The following HNRNPC variants were observed in gnomAD, a reference collection of about 807,000 sequenced individuals.
HNRNPC encodes the protein heterogeneous nuclear ribonucleoprotein C.
HNRNPC carries 3 observed loss-of-function variants against 33.2 expected under a neutral mutation model. That is an observed-to-expected ratio of 0.09 (90% CI 0.04 to 0.23). The LOEUF is 0.23. HNRNPC is among the 10% of genes least tolerant of loss of function. The pLI is 1.00. For synonymous variants in HNRNPC, 121 were observed against 126.7 expected (o/e 0.96, Z 0.30); for missense variants, 143 against 366.7 (o/e 0.39, Z 4.98).
At chr14:21,215,029 A>T (rs1892010196) in intron 5 of HNRNPC, among the ~76,000 whole-genome samples, 1 of 152,132 alleles carries the variant, frequency 6.6e-6, no homozygotes. Flanking sequence ...ATTTCTTTTT[A>T]AAACCTACTA....
chr14:21,238,182 T>C (rs188505595), intron 2 of HNRNPC, among the ~76,000 whole-genome samples: 2 of 152,366 alleles, frequency 1.3e-5, no homozygotes, highest in East Asian at 3.9e-4. Flanking sequence ...TCTAAATTAC[T>C]TGGTCATATT....
chr14:21,259,644 T>A (rs1199483118), intron 2 of HNRNPC, among the ~76,000 whole-genome samples: 1 of 152,124 alleles, frequency 6.6e-6, no homozygotes, highest in Non-Finnish European at 1.5e-5. Context: ...CCTTATCACA[T>A]CCATCCTGAG....
At position 21,210,386 on chromosome 14, in the gene HNRNPC, C is replaced by T. The variant is rs539287142; in HGVS notation, c.*837G>A. On this transcript the variant is annotated 3_prime_UTR_variant, in exon 9 of 9. Coordinates refer to ENST00000553300, the MANE Select transcript of HNRNPC (RefSeq NM_004500.4). ...CAAGTTGACTCCTCAATGCAACATG[C>T]ATCTCAATGAAATATAATTTGAGTA... is the stretch of plus-strand genomic sequence containing the variant. The T allele has an allele frequency of 6.6e-6, 1 of 152,464 alleles. No homozygotes were observed. Among genetic ancestry groups the T allele is most frequent in the East Asian group, 1.9e-4 (1 of 5,184 alleles). The allele number at this position is 152,464 out of a possible 1,614,324, so 9.4% of individuals were successfully genotyped here. A position where few individuals can be genotyped will look rare whatever the true frequency, so the allele number is the denominator to read the frequency against.
At chr14:21,237,128 G>A (rs1006927861) in intron 2 of HNRNPC, among the ~76,000 whole-genome samples, 1 of 152,188 alleles carries the variant, frequency 6.6e-6, no homozygotes, top group Non-Finnish European at 1.5e-5. Context: ...GTGTGAAGGT[G>A]CAAGAGCAGT....
At chr14:21,234,269 A>G (rs1894422382) in intron 2 of HNRNPC, 40 bp from the exon 3 acceptor site, 3 of 1,516,196 alleles carry the variant, frequency 2.0e-6, no homozygotes, top group African/African-American at 2.8e-5. Flanking sequence ...ACAGATGCTA[A>G]AAACAATATT....
intron 5 of HNRNPC, among the ~76,000 whole-genome samples, chr14:21,225,583 C>A (rs1033516971): frequency 6.6e-6 from 1 of 152,052 alleles, no homozygotes; most frequent in Non-Finnish European, 1.5e-5. Flanking sequence ...GTAAGAGTTA[C>A]CTTTTGAGGC....
chr14:21,251,987 TAAC>T (rs1344645707), intron 2 of HNRNPC, among the ~76,000 whole-genome samples: 2 of 152,336 alleles, frequency 1.3e-5, no homozygotes, highest in African/African-American at 4.8e-5. Flanking sequence ...GAATAATTTT[TAAC>T]AAGGATATTT....
At chr14:21,254,259 T>C (rs1236032183) in intron 2 of HNRNPC, among the ~76,000 whole-genome samples, 1 of 152,068 alleles carries the variant, frequency 6.6e-6, no homozygotes, top group African/African-American at 2.4e-5. Context: ...AAATAAAATA[T>C]AGTACAAGTA....
chr14:21,215,164 T>C (rs1233673589), intron 5 of HNRNPC, among the ~76,000 whole-genome samples: 1 of 152,226 alleles, frequency 6.6e-6, no homozygotes, highest in East Asian at 1.9e-4. Flanking sequence ...TTTCAAAATA[T>C]TTCAGCCAGT....
At chr14:21,222,070 GAAAAACACAT>G (rs1219233790) in intron 5 of HNRNPC, among the ~76,000 whole-genome samples, 2 of 116,114 alleles carry the variant, frequency 1.7e-5, no homozygotes, top group South Asian at 2.9e-4. Flanking sequence ...AAAAAAAGCT[GAAAAACACAT>G]GAAAAGACAT....
rs373629345 is a variant in HNRNPC at position 21,243,612 on chromosome 14, T to C, written c.-36-9383A>G. On this transcript the variant is annotated intron_variant, in intron 2 of 8. Transcript: ENST00000553300. Reference sequence around the variant, plus strand: ...GAAGGAAAAGAAACTGGCATTTCCATTGTTTTAACTAACTAAACCAGTACA... The same window carrying C: ...GAAGGAAAAGAAACTGGCATTTCCACTGTTTTAACTAACTAAACCAGTACA... Among the ~76,000 whole-genome samples the C allele has an allele frequency of 3.3e-5, 5 of 152,366 alleles. No homozygotes were observed. In the South Asian group the frequency reaches 1.0e-3, roughly 32 times the overall value.
At chr14:21,262,264 C>T (rs1878372142) in intron 2 of HNRNPC, among the ~76,000 whole-genome samples, 1 of 152,100 alleles carries the variant, frequency 6.6e-6, no homozygotes, top group South Asian at 2.1e-4. Flanking sequence ...TGTTAAATGA[C>T]AGAAAATGTT....
intron 5 of HNRNPC, among the ~76,000 whole-genome samples, chr14:21,216,070 T>C (rs1002685524): frequency 7.2e-4 from 105 of 146,394 alleles, no homozygotes; most frequent in African/African-American, 2.5e-3. Context: ...CAGACAGCCA[T>C]TGCACTCCAG....
intron 2 of HNRNPC, among the ~76,000 whole-genome samples, chr14:21,262,301 G>C (rs1878377979): frequency 1.3e-5 from 2 of 152,170 alleles, no homozygotes; most frequent in Non-Finnish European, 2.9e-5. Flanking sequence ...TCTAAAAAAA[G>C]GGACTCCCCA....
At chr14:21,268,277 T>C (rs1879349431) in intron 1 of HNRNPC, among the ~76,000 whole-genome samples, 2 of 152,206 alleles carry the variant, frequency 1.3e-5, no homozygotes, top group African/African-American at 4.8e-5. Context: ...TTTGCCCACA[T>C]TTAGGCGGAC....
intron 5 of HNRNPC, 59 bp downstream of exon 5, chr14:21,230,259 AG>A: frequency 1.6e-6 from 2 of 1,231,950 alleles, no homozygotes; most frequent in Non-Finnish European, 1.2e-6. Flanking sequence ...ACAAACCAGA[AG>A]AACGAAATGG....
intron 2 of HNRNPC, among the ~76,000 whole-genome samples, chr14:21,262,087 T>C (rs1468307430): frequency 1.3e-5 from 2 of 152,228 alleles, no homozygotes; most frequent in East Asian, 3.8e-4. Context: ...ATTTCCCTGC[T>C]TTGTGAGGTC....
At chr14:21,252,611 C>G (rs927772910) in intron 2 of HNRNPC, among the ~76,000 whole-genome samples, 1 of 152,086 alleles carries the variant, frequency 6.6e-6, no homozygotes, top group Admixed American at 6.5e-5. Context: ...CCATGCCAGG[C>G]CTCTAAATAT....
intron 2 of HNRNPC, chr14:21,236,292 AATC>A (rs1484572527): frequency 2.0e-5 from 3 of 152,186 alleles, no homozygotes; most frequent in East Asian, 1.9e-4. Context: ...TTGCTACAAA[AATC>A]ATCAACTACT....
Sources: gnomAD v4.1 joint callset for allele counts (sites outside exome capture counted in the v4.1 genomes callset) on GRCh38, gnomAD v4.1.1 for gene constraint, MANE v1.5 for transcripts, NCBI Gene and HGNC (gene_info 2026-07-23, HGNC 2026-07-21) for gene names.